Variants in RADIL observed in about 807,000 individuals in gnomAD.
RADIL encodes ras-associating and dilute domain-containing protein.
Under a neutral mutation model 97.6 loss-of-function variants are expected in RADIL, and 99 were observed. The ratio of observed to expected loss-of-function variants is 1.01; its 90% CI spans 0.86 to 1.20. The LOEUF (loss-of-function observed/expected upper bound fraction) is 1.20, where lower values mean the gene tolerates loss of function less well. RADIL is among the 50% of genes most tolerant of loss of function. The pLI, the probability that RADIL is intolerant of heterozygous loss-of-function variation, is 0.00. For missense variants in RADIL, 1,765 were observed against 1,498.9 expected (o/e 1.18, Z -2.93); for synonymous variants, 803 against 691.8 (o/e 1.16, Z -2.52).
chr7:4,840,041 G>T lies in RADIL; in HGVS notation c.536-3436C>A, dbSNP rs946335910. ...TGGAATTACAGGCGTGAGCCACCGC[G>T]CCCAGCATAAACACTTTTGTTAAAA... On this transcript the variant is annotated intron_variant, in intron 2 of 14. Coordinates refer to ENST00000399583, the MANE Select transcript of RADIL (RefSeq NM_018059.5). The surrounding 1 kb of genome is among the most constrained non-coding windows in gnomAD (Gnocchi z 5.6). 6.6e-6 allele frequency among the ~76,000 whole-genome samples: 1 copy of T among 152,172 alleles called. No individual in the cohort carries two copies. The highest frequency in any genetic ancestry group is 1.9e-4 in the East Asian group (1 of 5,200).
intron 2 of RADIL, among the ~76,000 whole-genome samples, chr7:4,843,840 A>C (rs1338902517): frequency 1.3e-5 from 2 of 148,992 alleles, no homozygotes; most frequent in Non-Finnish European, 3.0e-5. Context: ...TGAACCCATA[A>C]GGCGGAGGTT....
chr7:4,860,637 C>T (rs1408862881), intron 2 of RADIL: 3 of 1,614,136 alleles, frequency 1.9e-6, no homozygotes, highest in Middle Eastern at 1.6e-4. Flanking sequence ...ACCAAGCCCA[C>T]CCATTCTAAA....
rs147508442 is a variant in RADIL at position 4,837,310 on chromosome 7, C to T, written c.536-705G>A. 3.1e-3 allele frequency among the ~76,000 whole-genome samples: 465 copies of T among 152,336 alleles called. 3 individuals carry two copies. The highest frequency in any genetic ancestry group is 7.4e-3 in the African/African-American group (309 of 41,580). On this transcript the variant is annotated intron_variant, in intron 2 of 14. Coordinates refer to ENST00000399583, the MANE Select transcript of RADIL (RefSeq NM_018059.5). This position sits in a 1 kb window ranked among gnomAD's most constrained non-coding sequence, Gnocchi z 5.6. ...CTGGGCCTCTGCAGGGTCACCACGC[C>T]GCCTCCAGAGCCCTGCCCCATCCAT... is the stretch of plus-strand genomic sequence containing the variant.
intron 5 of RADIL, among the ~76,000 whole-genome samples, chr7:4,827,572 A>G (rs1323057405): frequency 6.6e-6 from 1 of 152,114 alleles, no homozygotes; most frequent in African/African-American, 2.4e-5. Context: ...GAGGCAGGAG[A>G]ATGGCGTGAA....
At chr7:4,829,640 G>T (rs1003035126) in intron 5 of RADIL, among the ~76,000 whole-genome samples, 1 of 152,134 alleles carries the variant, frequency 6.6e-6, no homozygotes, top group Non-Finnish European at 1.5e-5. Context: ...ACATGTTGTG[G>T]GAGGGACGCG....
At chr7:4,870,536 G>A (rs1311395537) in intron 2 of RADIL, among the ~76,000 whole-genome samples, 1 of 152,168 alleles carries the variant, frequency 6.6e-6, no homozygotes, top group East Asian at 1.9e-4. Context: ...CCACCTCCCA[G>A]GTTCAAGCAA....
Position 4,829,855 on chromosome 7 carries a change from C to T in RADIL, c.1454+2286G>A, listed in dbSNP as rs779779615. Among the ~76,000 whole-genome samples the T allele has an allele frequency of 1.1e-3, 129 of 115,064 alleles. 1 individual carries two copies. The highest frequency in any genetic ancestry group is 1.1e-3 in the South Asian group (3 of 2,620). 75.5% of individuals were successfully genotyped at this position (115,064 alleles called of 152,430 possible). On this transcript the variant is annotated intron_variant, in intron 5 of 14. Coordinates refer to ENST00000399583, the MANE Select transcript of RADIL (RefSeq NM_018059.5). The stretch of plus-strand genomic sequence containing the variant: ...CTCCCCAGTCACGTGGAACTGTGAG[C>T]CCATTAAACCTGTTTCCTTTATAAA...
chr7:4,881,353 T>C (rs578095524), intron 1 of RADIL, among the ~76,000 whole-genome samples: 20 of 147,004 alleles, frequency 1.4e-4, no homozygotes, highest in South Asian at 4.3e-4. Context: ...AGGCGGAGCT[T>C]GCAGTGAGCC....
chr7:4,809,237 C>G, intron 9 of RADIL: 1 of 985,346 alleles, frequency 1.0e-6, no homozygotes, highest in African/African-American at 1.7e-5. Flanking sequence ...CGCAGGGGCG[C>G]TCGGGCCTGG....
At chr7:4,806,099 G>C in intron 9 of RADIL, 1 of 947,586 alleles carries the variant, frequency 1.1e-6, no homozygotes, top group Non-Finnish European at 1.3e-6. Flanking sequence ...AACCTGCCTG[G>C]AAGGCAGGGA....
In RADIL at chr7:4,867,752, C is replaced by T. The variant is rs1234131241; in HGVS notation, c.535+9853G>A. ...AAATATTATTTATGTATTAAGGATA[C>T]ATATGAATCCAAATATATGAAAGGT... On this transcript the variant is annotated intron_variant, in intron 2 of 14. Coordinates refer to ENST00000399583, the MANE Select transcript of RADIL (RefSeq NM_018059.5). This position sits in a 1 kb window ranked among gnomAD's most constrained non-coding sequence, Gnocchi z 4.1. 6.6e-6 allele frequency among the ~76,000 whole-genome samples: 1 copy of T among 152,146 alleles called. No individual in the cohort carries two copies. The highest frequency in any genetic ancestry group is 1.5e-5 in the Non-Finnish European group (1 of 68,028).
chr7:4,806,208 GGCTC>G (rs1782303645), intron 9 of RADIL, among the ~76,000 whole-genome samples: 1 of 152,258 alleles, frequency 6.6e-6, no homozygotes, highest in Non-Finnish European at 1.5e-5. Flanking sequence ...GGGGTGCAGT[GGCTC>G]AATCACAGCT....
rs1054388923 is a variant in RADIL at position 4,819,859 on chromosome 7, G to A, written c.1616-2508C>T. Among the ~76,000 whole-genome samples, 1 of 152,164 alleles carries A rather than the reference G, an allele frequency of 6.6e-6. No individual in the cohort carries two copies. The highest frequency in any genetic ancestry group is 2.4e-5 in the African/African-American group (1 of 41,440). On this transcript the variant is annotated intron_variant, in intron 6 of 14. Coordinates refer to ENST00000399583, the MANE Select transcript of RADIL (RefSeq NM_018059.5). The surrounding 1 kb of genome is among the most constrained non-coding windows in gnomAD (Gnocchi z 5.8). The stretch of plus-strand genomic sequence containing the variant: ...CCTGGGCCCTGGCTCCCATCGCCGG[G>A]CCAAACACTGCTCAGGCCCCTGACC...
chr7:4,803,227 C>T (rs1264766381), intron 11 of RADIL, among the ~76,000 whole-genome samples: 3 of 88,174 alleles, frequency 3.4e-5, no homozygotes, highest in African/African-American at 1.2e-4. Flanking sequence ...ACTGGCTGGG[C>T]CCCCTCCCCG....
chr7:4,878,202 A>G lies in RADIL; in HGVS notation c.-63T>C, dbSNP rs1452632936. 6 of 1,440,558 alleles carry G rather than the reference A, an allele frequency of 4.2e-6. No individual in the cohort carries two copies. The highest frequency in any genetic ancestry group is 2.8e-5 in the South Asian group (2 of 70,866). The allele number at this position is 1,440,558 out of a possible 1,614,324, so 89.2% of individuals were successfully genotyped here. ...AGCCAAAGGATGTGGGGAGGCCGTG[A>G]CCTGGGTGAAAAAGTGAGAGAGGTT... On this transcript the variant is annotated splice_region_variant and 5_prime_UTR_variant, in exon 2 of 15. Transcript: ENST00000399583. This position sits in a 1 kb window ranked among gnomAD's most constrained non-coding sequence, Gnocchi z 4.1.
At chr7:4,832,741 CAAAAAAAAAAAAAA>C (rs71032992) in intron 4 of RADIL, among the ~76,000 whole-genome samples, 1 of 66,522 alleles carries the variant, frequency 1.5e-5, no homozygotes, top group Non-Finnish European at 2.8e-5. Context: ...TCCGTCTCAG[CAAAAAAAAAAAAAA>C]AAAAAAAAGA....
chr7:4,870,356 G>A (rs948403238), intron 2 of RADIL, among the ~76,000 whole-genome samples: 2 of 152,156 alleles, frequency 1.3e-5, no homozygotes, highest in Admixed American at 6.5e-5. Flanking sequence ...TACTCAGTAT[G>A]ATTTAAACAG....
chr7:4,847,351 T>C (rs561730148), intron 2 of RADIL, among the ~76,000 whole-genome samples: 1 of 152,092 alleles, frequency 6.6e-6, no homozygotes, highest in East Asian at 1.9e-4. Flanking sequence ...AGTTAAACAA[T>C]ATCAAGAGTG....
rs1210395512 is a variant in RADIL, at chr7:4,799,172, TAACA to T, written c.*202_*205del. ...GAAGTCTTTAAACATAAAAGCTCTG[TAACA>T]AACATCACAATTTCACGTCATCTGC... On this transcript the variant is annotated 3_prime_UTR_variant, in exon 15 of 15. Coordinates refer to ENST00000399583, the MANE Select transcript of RADIL (RefSeq NM_018059.5). The T allele has an allele frequency of 1.0e-5, 6 of 585,668 alleles. No homozygotes were observed. The highest frequency in any genetic ancestry group is 1.8e-5 in the Non-Finnish European group (6 of 327,168). 36.3% of individuals were successfully genotyped at this position (585,668 alleles called of 1,614,324 possible).
Sources: gnomAD v4.1 joint callset for allele counts (sites outside exome capture counted in the v4.1 genomes callset) on GRCh38, gnomAD v4.1.1 for gene constraint, Gnocchi (gnomAD v3.1) non-coding constraint, MANE v1.5 for transcripts, NCBI Gene and HGNC (gene_info 2026-07-23, HGNC 2026-07-21) for gene names.